Variants in ABITRAM observed in about 807,000 individuals in gnomAD.
ABITRAM encodes the protein protein Abitram.
ABITRAM carries 19 observed loss-of-function variants against 22.9 expected under a neutral mutation model. The ratio of observed to expected loss-of-function variants is 0.83; its 90% CI spans 0.58 to 1.22. The LOEUF is 1.22. Ranked by LOEUF, ABITRAM falls within the 50% of genes most tolerant of loss-of-function variation. The pLI, the probability that ABITRAM is intolerant of heterozygous loss-of-function variation, is 0.00. For missense variants in ABITRAM, 215 were observed against 220.2 expected, an observed-to-expected ratio of 0.98 and a Z score of 0.15; for synonymous variants, 70 against 73.9, an observed-to-expected ratio of 0.95 and a Z score of 0.27.
chr9:108,939,127 T>TAAGGGCTACTTCTC, intron 3 of ABITRAM, 69 bp from the exon 4 acceptor site: 2 of 1,321,220 alleles, frequency 1.5e-6, no homozygotes, highest in South Asian at 1.2e-5. Context: ...GTTATACACC[T>TAAGGGCTACTTCTC]AAGGGCTACT....
intron 2 of ABITRAM, chr9:108,936,060 C>T (rs1830182285): frequency 1.9e-6 from 1 of 515,710 alleles, no homozygotes; most frequent in Non-Finnish European, 3.5e-6. Flanking sequence ...TGTCTTCTAC[C>T]CCAGTGCTAC....
chr9:108,942,556 A>T (rs535239775), downstream of ABITRAM: 160 of 551,688 alleles, frequency 2.9e-4, 1 homozygote, highest in Middle Eastern at 3.3e-3. Flanking sequence ...CTATTTTAAA[A>T]ATCACACTAC....
At chr9:108,945,424 GT>G (rs889152184), downstream of ABITRAM, among the ~76,000 whole-genome samples, 20 of 138,000 alleles carry the variant, frequency 1.4e-4, no homozygotes, top group African/African-American at 5.3e-4. Flanking sequence ...AATGTATTTT[GT>G]TTTTTTTTAC....
Position 108,939,373 on chromosome 9 carries a change from T to C in ABITRAM, c.339-12T>C, listed in dbSNP as rs1830228844. 2 of 1,599,510 alleles carry C rather than the reference T, an allele frequency of 1.3e-6. No homozygotes were observed. Among genetic ancestry groups the C allele is most frequent in the Non-Finnish European group, 1.7e-6 (2 of 1,176,124 alleles). The stretch of plus-strand genomic sequence containing the variant: ...TAAGTAAACATGCTGAAATCTTAAA[T>C]TTTTTTAATAGTTGTGTTAGAGGAC... On this transcript the variant is annotated splice_polypyrimidine_tract_variant and intron_variant, in intron 4 of 5. Transcript: ENST00000322940.
At position 108,950,511 on chromosome 9, in the gene ABITRAM, T is replaced by TTATA. The variant is rs1302376921; in HGVS notation, c.269_270insATAT (p.Glu93SerfsTer30). The TTATA allele has an allele frequency of 3.9e-6, 6 of 1,549,026 alleles. No individual in the cohort carries two copies. The highest frequency in any genetic ancestry group is 5.2e-6 in the Non-Finnish European group (6 of 1,146,638). ...ATTTCTGCCTTCTTTTTCCAGAGAA[T>TTATA]TATCTATCTAGAAAAGGTAGAAGAC... On this transcript the variant is annotated frameshift_variant, in exon 4 of 4. Coordinates refer to the ABITRAM transcript ENST00000374624. LOFTEE classifies it low-confidence loss of function (END_TRUNC).
Position 108,934,542 on chromosome 9 carries a change from A to G in ABITRAM, c.56A>G (p.Tyr19Cys). Residue 19 changes from tyrosine (Y) to cysteine (C), a missense_variant, in exon 1 of 6, where the codon TAC becomes TGC. Physicochemically the swap from Tyr to Cys is radical, Grantham distance 194. Transcript: ENST00000322940. The stretch of plus-strand genomic sequence containing the variant: ...GTGGTGCCTTCGCTCGTGGATCGAT[A>G]CTTCACTCGCTGGTACAAACCGGGT... ...EPVVPSLVDRYFTRWYKPDVK... is the reference protein window; with the variant it reads ...EPVVPSLVDRCFTRWYKPDVK... 6.2e-7 allele frequency: 1 copy of G among 1,606,536 alleles called. No homozygotes were observed. Among genetic ancestry groups the G allele is most frequent in the South Asian group, 1.1e-5 (1 of 89,822 alleles).
chr9:108,942,935 A>G, downstream of ABITRAM: 1 of 1,608,274 alleles, frequency 6.2e-7, no homozygotes, highest in Non-Finnish European at 8.5e-7. Flanking sequence ...TTAAAGTATG[A>G]GTCTAAAATA....
chr9:108,935,277 A>G (rs1830163451), intron 1 of ABITRAM, among the ~76,000 whole-genome samples: 1 of 152,218 alleles, frequency 6.6e-6, no homozygotes. Flanking sequence ...GACTTGCACC[A>G]ACATCAGGAC....
chr9:108,943,760 T>C (rs1206772864), downstream of ABITRAM: 2 of 1,613,800 alleles, frequency 1.2e-6, no homozygotes, highest in African/African-American at 1.3e-5. Flanking sequence ...GCTGGTGGCA[T>C]AGAGGAATTA....
intron 3 of ABITRAM, chr9:108,948,119 G>A (rs1322496686): frequency 1.3e-6 from 2 of 1,523,038 alleles, no homozygotes; most frequent in East Asian, 4.5e-5. Flanking sequence ...AAATCATCTG[G>A]AAAACATTTA....
intron 2 of ABITRAM, chr9:108,935,906 A>G (rs917085388): frequency 4.5e-5 from 25 of 559,512 alleles, no homozygotes; most frequent in African/African-American, 3.2e-4. Context: ...TGATTACTCA[A>G]ACATCCAAAT....
At chr9:108,941,350 G>C (rs148705375), downstream of ABITRAM, among the ~76,000 whole-genome samples, 52 of 152,214 alleles carry the variant, frequency 3.4e-4, no homozygotes, top group East Asian at 9.8e-3. Context: ...AATGACTCTT[G>C]AAGGCGTCAT....
intron 3 of ABITRAM, among the ~76,000 whole-genome samples, chr9:108,950,204 G>A (rs1830519990): frequency 6.6e-6 from 1 of 152,174 alleles, no homozygotes; most frequent in African/African-American, 2.4e-5. Flanking sequence ...GCCAAAAGCT[G>A]AGATTTTTGT....
chr9:108,948,071 A>G (rs1830456566), intron 3 of ABITRAM: 1 of 1,170,580 alleles, frequency 8.5e-7, no homozygotes, highest in Non-Finnish European at 1.2e-6. Context: ...TGTAATACAC[A>G]GGTAGGTACA....
downstream of ABITRAM, among the ~76,000 whole-genome samples, chr9:108,944,198 G>T (rs1257533313): frequency 6.6e-6 from 1 of 152,214 alleles, no homozygotes; most frequent in Non-Finnish European, 1.5e-5. Context: ...ACTGTTTTCA[G>T]AAGGAGTTTC....
downstream of ABITRAM, chr9:108,942,780 T>C (rs1467470243): frequency 4.3e-6 from 7 of 1,609,966 alleles, no homozygotes; most frequent in South Asian, 2.2e-5. Context: ...CAAGTTTTAC[T>C]ATCCATAGTG....
Position 108,939,679 on chromosome 9 carries a change from C to T in ABITRAM, c.539C>T (p.Thr180Met), listed in dbSNP as rs138152954. Residue 180 changes from threonine to methionine, a missense_variant, in exon 6 of 6, where the codon ACG becomes ATG. Coordinates refer to ENST00000322940, the MANE Select transcript of ABITRAM (RefSeq NM_017832.4). ...MVKRINATTATS is the reference protein window; with the variant it reads ...MVKRINATTAMS ...AAACGCATTAATGCCACAACAGCTA[C>T]GTCATGAGGATTGACATGGAACAAA... 39 of 1,613,630 alleles carry T rather than the reference C, an allele frequency of 2.4e-5. No individual in the cohort carries two copies. The African/African-American group carries it at 3.1e-4, about 13-fold the overall frequency.
chr9:108,934,573 C>A lies in ABITRAM; in HGVS notation c.79+8C>A. The A allele has an allele frequency of 6.3e-7, 1 of 1,599,372 alleles. No homozygotes were observed. The highest frequency in any genetic ancestry group is 8.5e-7 in the Non-Finnish European group (1 of 1,174,008). ...CTCGCTGGTACAAACCGGGTAAGTG[C>A]GGAGTGATGTTGATCCCTCCTTGGC... On this transcript the variant is annotated splice_region_variant and intron_variant, in intron 1 of 5. Coordinates refer to ENST00000322940, the MANE Select transcript of ABITRAM (RefSeq NM_017832.4).
intron 1 of ABITRAM, among the ~76,000 whole-genome samples, chr9:108,934,857 A>G (rs1472607393): frequency 6.6e-6 from 1 of 152,170 alleles, no homozygotes; most frequent in Non-Finnish European, 1.5e-5. Flanking sequence ...GCGGAGGGCT[A>G]GGTTGCAACA....
Sources: allele counts gnomAD v4.1 joint callset (sites outside exome capture counted in the v4.1 genomes callset), GRCh38; gene constraint gnomAD v4.1.1; transcripts MANE v1.5; gene names NCBI Gene and HGNC (gene_info 2026-07-23, HGNC 2026-07-21).